Variants in TPPP observed in about 807,000 individuals in gnomAD.
TPPP encodes tubulin polymerization promoting protein, also known as tubulin polymerization-promoting protein.
In TPPP, 6 loss-of-function variants were observed where a neutral mutation model predicts 15.5. The observed-to-expected ratio is 0.39, with a 90% CI of 0.21 to 0.77. The LOEUF (loss-of-function observed/expected upper bound fraction) is 0.77. Among genes scored for constraint, TPPP ranks in the 30% least tolerant of loss-of-function variants. The pLI, the probability that TPPP is intolerant of heterozygous loss-of-function variation, is 0.42. For missense variants in TPPP, 269 were observed against 307.2 expected (o/e 0.88, Z 0.93); for synonymous variants, 146 against 133.9 (o/e 1.09, Z -0.63).
At chr5:684,679 G>A (rs2126910454) in intron 1 of TPPP, among the ~76,000 whole-genome samples, 1 of 152,268 alleles carries the variant, frequency 6.6e-6, no homozygotes, top group South Asian at 2.1e-4. Context: ...GCCATGCCCA[G>A]GGTGGACACC....
intron 2 of TPPP, among the ~76,000 whole-genome samples, chr5:666,481 C>T (rs188179104): frequency 6.6e-6 from 1 of 152,326 alleles, no homozygotes; most frequent in East Asian, 1.9e-4. Flanking sequence ...GTCCTAGGAC[C>T]TGCTGGGGCC....
At chr5:671,193 T>C (rs1317617252) in intron 2 of TPPP, among the ~76,000 whole-genome samples, 3 of 150,212 alleles carry the variant, frequency 2.0e-5, no homozygotes, top group Non-Finnish European at 3.0e-5. Flanking sequence ...GCGCACACCC[T>C]GCGCTTGCTG....
chr5:669,240 C>G (rs937422727), intron 2 of TPPP, among the ~76,000 whole-genome samples: 1 of 152,034 alleles, frequency 6.6e-6, no homozygotes, highest in African/African-American at 2.4e-5. Context: ...GGCCATAGGG[C>G]GCTGTTGTCC....
In TPPP at chr5:662,106, A is replaced by G. The variant is rs1035182020; in HGVS notation, c.*2996T>C. On this transcript the variant is annotated 3_prime_UTR_variant, in exon 4 of 4. Transcript: ENST00000360578. ...TGCACGCCACGATTTTCTCTCTCAG[A>G]GTGAAGGGACCACTTCTGTGAATGA... The G allele has an allele frequency of 1.1e-4, 17 of 152,374 alleles. No individual in the cohort carries two copies. The highest frequency in any genetic ancestry group is 3.9e-4 in the African/African-American group (16 of 41,430). The allele number at this position is 152,374 out of a possible 1,614,324, so 9.4% of individuals were successfully genotyped here.
At chr5:691,568 C>T (rs1740864110) in intron 1 of TPPP, among the ~76,000 whole-genome samples, 1 of 69,898 alleles carries the variant, frequency 1.4e-5, no homozygotes, top group South Asian at 4.9e-4. Context: ...CAGCAGCCCC[C>T]CAACCCCCAT....
intron 2 of TPPP, among the ~76,000 whole-genome samples, chr5:674,260 C>T (rs781636251): frequency 1.1e-4 from 17 of 152,118 alleles, no homozygotes; most frequent in South Asian, 8.3e-4. Flanking sequence ...TCCACACGCC[C>T]GAGCCTGCTG....
At chr5:698,020 C>T (rs1484258583), upstream of TPPP, among the ~76,000 whole-genome samples, 2 of 145,180 alleles carry the variant, frequency 1.4e-5, no homozygotes, top group African/African-American at 5.1e-5. Context: ...GGACGCAAAT[C>T]AATAAATGTG....
chr5:670,229 C>T (rs2126880738), intron 2 of TPPP, among the ~76,000 whole-genome samples: 1 of 152,282 alleles, frequency 6.6e-6, no homozygotes, highest in South Asian at 2.1e-4. Context: ...GGGCTCGGGA[C>T]TGTGCATCCA....
In TPPP at chr5:692,503, C is replaced by A. The variant is rs1377939996; in HGVS notation, c.-5+775G>T. On this transcript the variant is annotated intron_variant, in intron 1 of 3. Coordinates refer to ENST00000360578, the MANE Select transcript of TPPP (RefSeq NM_007030.3). ...AACCCCCATCAAGACAACAGCCCCCCCAAAACCCTTATCAAAACAGCAGCC... is the reference window on the plus strand; with the variant it reads ...AACCCCCATCAAGACAACAGCCCCCACAAAACCCTTATCAAAACAGCAGCC... The A allele has an allele frequency of 1.3e-5, 12 of 938,094 alleles. 1 individual carries two copies. The South Asian group carries it at 2.5e-4, about 19-fold the overall frequency. The allele number at this position is 938,094 out of a possible 1,614,324, so 58.1% of individuals were successfully genotyped here. A position where few individuals can be genotyped will look rare whatever the true frequency, so the allele number is the denominator to read the frequency against.
chr5:681,112 G>A (rs973041683), intron 1 of TPPP, among the ~76,000 whole-genome samples: 7 of 152,222 alleles, frequency 4.6e-5, no homozygotes, highest in South Asian at 4.1e-4. Context: ...GCTCTCCACC[G>A]AGCATGGCAT....
At chr5:669,831 G>A (rs1740139550) in intron 2 of TPPP, among the ~76,000 whole-genome samples, 1 of 152,120 alleles carries the variant, frequency 6.6e-6, no homozygotes, top group Non-Finnish European at 1.5e-5. Flanking sequence ...GTCCTCAGGA[G>A]TTCTAGGACA....
At chr5:671,894 G>C (rs1187592195) in intron 2 of TPPP, among the ~76,000 whole-genome samples, 1 of 152,174 alleles carries the variant, frequency 6.6e-6, no homozygotes, top group Non-Finnish European at 1.5e-5. Context: ...CCCTTCCCCC[G>C]GGCTGGGTAC....
chr5:683,349 G>T (rs1225903926), intron 1 of TPPP, among the ~76,000 whole-genome samples: 3 of 152,184 alleles, frequency 2.0e-5, no homozygotes, highest in Non-Finnish European at 4.4e-5. Flanking sequence ...GCATTCCTTG[G>T]GAAGTGACCA....
chr5:668,587 G>A lies in TPPP; in HGVS notation c.312-2464C>T, dbSNP rs536966128. 3.3e-5 allele frequency among the ~76,000 whole-genome samples: 5 copies of A among 152,394 alleles called. No homozygotes were observed. In the South Asian group the frequency reaches 1.0e-3, roughly 32 times the overall value. ...GCACCTCGAGCTGAGCAGGCCGCGG[G>A]GTGGGGGCCTCGTCCACACCCGGCC... On this transcript the variant is annotated intron_variant, in intron 2 of 3. Coordinates refer to ENST00000360578, the MANE Select transcript of TPPP (RefSeq NM_007030.3).
chr5:672,268 G>T (rs1740250238), intron 2 of TPPP, among the ~76,000 whole-genome samples: 1 of 152,150 alleles, frequency 6.6e-6, no homozygotes, highest in Non-Finnish European at 1.5e-5. Flanking sequence ...AGACCCCAGG[G>T]AGCCTGGCCC....
chr5:676,990 ACG>A (rs1580090613), intron 2 of TPPP, among the ~76,000 whole-genome samples: 5 of 113,932 alleles, frequency 4.4e-5, no homozygotes, highest in South Asian at 6.1e-4. Flanking sequence ...CGACGCAGAA[ACG>A]CGCACACGTG....
chr5:665,596 C>T (rs1561079867), intron 3 of TPPP, among the ~76,000 whole-genome samples: 1 of 150,428 alleles, frequency 6.6e-6, no homozygotes, highest in Non-Finnish European at 1.5e-5. Context: ...CAGGCCCCAC[C>T]CTCCAGGCTA....
In TPPP at chr5:664,619, G is replaced by A. The variant is rs1179459066; in HGVS notation, c.*483C>T. 5.8e-6 allele frequency: 1 copy of A among 171,594 alleles called. No individual in the cohort carries two copies. The allele number at this position is 171,594 out of a possible 1,614,324, so 10.6% of individuals were successfully genotyped here. On this transcript the variant is annotated 3_prime_UTR_variant, in exon 4 of 4. Transcript: ENST00000360578. ...GGCCCCGTGGTGTCCGCTGCACACAGGACAGGCCTCGGGCCCCACAGACAC... is the reference window on the plus strand; with the variant it reads ...GGCCCCGTGGTGTCCGCTGCACACAAGACAGGCCTCGGGCCCCACAGACAC...
the TPPP span, among the ~76,000 whole-genome samples, chr5:699,561 A>T: frequency 3.9e-5 from 6 of 152,094 alleles, 2 homozygotes. Flanking sequence ...TGGCCTAGGC[A>T]AAGAATTTAT....
Sources: allele counts gnomAD v4.1 joint callset (sites outside exome capture counted in the v4.1 genomes callset), GRCh38; gene constraint gnomAD v4.1.1; transcripts MANE v1.5; gene names NCBI Gene and HGNC (gene_info 2026-07-23, HGNC 2026-07-21).